Variants in COL21A1 observed in about 807,000 individuals in gnomAD.
COL21A1 encodes collagen alpha-1(XXI) chain.
COL21A1 carries 149 observed loss-of-function variants against 137.9 expected under a neutral mutation model. The observed-to-expected ratio is 1.08, with a 90% confidence interval of 0.95 to 1.24. The LOEUF is 1.24. Ranked by LOEUF, COL21A1 falls within the 50% of genes most tolerant of loss-of-function variation. COL21A1 has a pLI of 0.00. For synonymous variants in COL21A1, 456 were observed against 391.5 expected (o/e 1.16, Z -1.95); for missense variants, 1,167 against 1,158.4 (o/e 1.01, Z -0.11).
intron 16 of COL21A1, among the ~76,000 whole-genome samples, chr6:56,119,769 C>T (rs1484522874): frequency 6.6e-6 from 1 of 152,036 alleles, no homozygotes; most frequent in Non-Finnish European, 1.5e-5. Context: ...CTACAGTGAA[C>T]TCATTTTTGA....
chr6:56,160,101 A>C (rs1013773343), intron 9 of COL21A1, among the ~76,000 whole-genome samples: 5 of 152,234 alleles, frequency 3.3e-5, no homozygotes, highest in Non-Finnish European at 7.4e-5. Context: ...ATTCGCAAAA[A>C]CTCAGGTAGG....
chr6:56,354,969 C>A lies in COL21A1; in HGVS notation c.-39+39002G>T, dbSNP rs182359321. 3.9e-4 allele frequency among the ~76,000 whole-genome samples: 59 copies of A among 152,262 alleles called. 1 individual carries two copies. The East Asian group carries it at 7.7e-3, about 20-fold the overall frequency. On this transcript the variant is annotated intron_variant, in intron 1 of 28. Coordinates refer to the COL21A1 transcript ENST00000370819. ...CATTGGACAGTAATAAAAAGTTCAA[C>A]TTACTATTTTAAGAAAATAATTGGG...
At chr6:56,098,568 T>TATATATAAATATATATAA (rs1562193184) in intron 17 of COL21A1, among the ~76,000 whole-genome samples, 229 of 14,654 alleles carry the variant, frequency 0.016, 19 homozygotes, top group Non-Finnish European at 0.024. Flanking sequence ...AATATATAAA[T>TATATATAAATATATATAA]ATATATAAAT....
chr6:56,100,523 G>T (rs1484452106), intron 17 of COL21A1, among the ~76,000 whole-genome samples: 1 of 152,092 alleles, frequency 6.6e-6, no homozygotes, highest in Non-Finnish European at 1.5e-5. Flanking sequence ...AAATGTAGCA[G>T]TAGTCATCTC....
At chr6:56,145,381 T>C (rs924314760) in intron 10 of COL21A1, among the ~76,000 whole-genome samples, 1 of 152,148 alleles carries the variant, frequency 6.6e-6, no homozygotes, top group African/African-American at 2.4e-5. Flanking sequence ...ACAGGAAACA[T>C]GGTTAGTAAC....
intron 17 of COL21A1, among the ~76,000 whole-genome samples, chr6:56,090,236 G>A (rs776013960): frequency 2.0e-5 from 3 of 152,044 alleles, no homozygotes; most frequent in East Asian, 1.9e-4. Flanking sequence ...AGACTCCATC[G>A]AAGAAAAAAA....
intron 1 of COL21A1, among the ~76,000 whole-genome samples, chr6:56,239,308 T>C (rs1405813424): frequency 6.6e-6 from 1 of 152,192 alleles, no homozygotes; most frequent in African/African-American, 2.4e-5. Flanking sequence ...CTCACTTGTA[T>C]AGGAATTTGA....
chr6:56,274,031 C>T (rs9475648), intron 1 of COL21A1, among the ~76,000 whole-genome samples: 35,299 of 151,978 alleles, frequency 0.23, 4,725 homozygotes, highest in Non-Finnish European at 0.31. Flanking sequence ...AGATAATACA[C>T]CACAAACAAG....
In COL21A1 at chr6:56,061,640, G is replaced by A; in HGVS notation, c.2205+9C>T. 1 of 1,578,652 alleles carries A rather than the reference G, an allele frequency of 6.3e-7. No homozygotes were observed. On this transcript the variant is annotated intron_variant, in intron 25 of 29. Coordinates refer to ENST00000244728, the MANE Select transcript of COL21A1 (RefSeq NM_030820.4). ...AGAGCAAGAGAGCATAATATATGAA[G>A]AAACATACCTCTCCTTTTGCACCAT...
rs532668758 is a variant in COL21A1 at position 56,058,478 on chromosome 6, G to A, written c.2687-634C>T. 3.8e-4 allele frequency among the ~76,000 whole-genome samples: 58 copies of A among 152,166 alleles called. 1 individual carries two copies. Among genetic ancestry groups the A allele is most frequent in the Non-Finnish European group, 6.5e-4 (44 of 68,004 alleles). On this transcript the variant is annotated intron_variant, in intron 29 of 29. Transcript: ENST00000244728. ...AAATAACAAAAAATATTCAGATTTT[G>A]GGAAGGAGCACAGTGGTTTGGGCCA... is the stretch of plus-strand genomic sequence containing the variant.
intron 1 of COL21A1, among the ~76,000 whole-genome samples, chr6:56,331,145 T>A (rs1434518543): frequency 6.6e-6 from 1 of 152,030 alleles, no homozygotes; most frequent in African/African-American, 2.4e-5. Flanking sequence ...AATGGAGTTA[T>A]TTGGTTTTTT....
Position 56,075,467 on chromosome 6 carries a change from A to G in COL21A1, c.1911+12T>C. On this transcript the variant is annotated intron_variant, in intron 19 of 29. Coordinates refer to ENST00000244728, the MANE Select transcript of COL21A1 (RefSeq NM_030820.4). ...AACACTTTGATGTATGATGATAATG[A>G]CATCAACATACAGGCATCCCTGGGG... The G allele has an allele frequency of 6.5e-7, 1 of 1,532,286 alleles. No individual in the cohort carries two copies. Among genetic ancestry groups the G allele is most frequent in the South Asian group, 1.2e-5 (1 of 80,286 alleles). 94.9% of individuals were successfully genotyped at this position (1,532,286 alleles called of 1,614,324 possible). A position where few individuals can be genotyped will look rare whatever the true frequency, so the allele number is the denominator to read the frequency against.
chr6:56,194,656 G>A (rs1363141852), intron 1 of COL21A1, among the ~76,000 whole-genome samples: 6 of 152,062 alleles, frequency 3.9e-5, no homozygotes, highest in Non-Finnish European at 5.9e-5. Context: ...TTCTACAAGC[G>A]AAAAAATTAT....
intron 1 of COL21A1, among the ~76,000 whole-genome samples, chr6:56,361,597 T>G (rs1051994934): frequency 1.3e-5 from 2 of 152,176 alleles, no homozygotes; most frequent in African/African-American, 4.8e-5. Context: ...TCAGAATAAC[T>G]ACAATTTTGG....
intron 1 of COL21A1, among the ~76,000 whole-genome samples, chr6:56,313,070 G>A (rs1352088344): frequency 6.6e-6 from 1 of 152,078 alleles, no homozygotes; most frequent in South Asian, 2.1e-4. Flanking sequence ...TGGTTTCTCG[G>A]GATCATTCAA....
At chr6:56,061,571 G>C in intron 25 of COL21A1, 78 bp downstream of exon 25, 2 of 865,456 alleles carry the variant, frequency 2.3e-6, no homozygotes, top group Non-Finnish European at 3.5e-6. Context: ...TCAAAAGCTA[G>C]ATTTATATAG....
chr6:56,115,880 G>A (rs1292808044), intron 16 of COL21A1, among the ~76,000 whole-genome samples: 2 of 151,936 alleles, frequency 1.3e-5, no homozygotes, highest in Admixed American at 6.6e-5. Context: ...AATGCAATTA[G>A]CATACTGAAC....
intron 1 of COL21A1, among the ~76,000 whole-genome samples, chr6:56,384,262 C>G (rs913752195): frequency 6.6e-6 from 1 of 152,178 alleles, no homozygotes; most frequent in South Asian, 2.1e-4. Flanking sequence ...GTACAACTAC[C>G]ACTCTCACAC....
chr6:56,227,736 A>G (rs972923189), intron 1 of COL21A1, among the ~76,000 whole-genome samples: 1 of 152,094 alleles, frequency 6.6e-6, no homozygotes, highest in Non-Finnish European at 1.5e-5. Flanking sequence ...GAGAAAGCCT[A>G]GTGATAGCCT....
Sources: allele counts gnomAD v4.1 joint callset (sites outside exome capture counted in the v4.1 genomes callset), GRCh38; gene constraint gnomAD v4.1.1; transcripts MANE v1.5; gene names NCBI Gene and HGNC (gene_info 2026-07-23, HGNC 2026-07-21).